Variants in KMT2C observed in about 807,000 individuals in gnomAD.
KMT2C encodes histone-lysine N-methyltransferase 2C.
KMT2C carries 88 observed loss-of-function variants against 507.9 expected under a neutral mutation model. That is an observed-to-expected ratio of 0.17 (90% CI 0.15 to 0.21). KMT2C has a LOEUF of 0.21. KMT2C is among the 10% of genes least tolerant of loss of function. The pLI is 1.00. For synonymous variants in KMT2C, 2,049 were observed against 2,080.8 expected (o/e 0.98, Z 0.42); for missense variants, 4,954 against 5,957.8 (o/e 0.83, Z 5.55).
At position 152,177,102 on chromosome 7, in the gene KMT2C, T is replaced by C. The variant is rs1391918375; in HGVS notation, c.8351A>G (p.Lys2784Arg). ...NEELDLPIDD[K>R]LDNQCVSVEP... ...AACAGATACACACTGATTATCTAAC[T>C]TATCATCAATTGGAAGGTCTAGTTC... Residue 2784 changes from lysine to arginine, a missense_variant, in exon 38 of 59, where the codon AAG (lysine) becomes AGG (arginine). Lys to Arg is a conservative substitution (Grantham distance 26). Transcript: ENST00000262189. 1 of 1,612,792 alleles carries C rather than the reference T, an allele frequency of 6.2e-7. No individual in the cohort carries two copies. The highest frequency in any genetic ancestry group is 1.7e-5 in the Admixed American group (1 of 60,020).
At chr7:152,286,638 T>C (rs1382337601) in intron 6 of KMT2C, among the ~76,000 whole-genome samples, 6 of 152,226 alleles carry the variant, frequency 3.9e-5, no homozygotes, top group Non-Finnish European at 8.8e-5. Context: ...TACTTTTCCC[T>C]GTTCTTTCCA....
At chr7:152,376,160 G>A (rs920061117) in intron 1 of KMT2C, among the ~76,000 whole-genome samples, 2 of 152,140 alleles carry the variant, frequency 1.3e-5, no homozygotes, top group Non-Finnish European at 2.9e-5. Flanking sequence ...ACATAAGATG[G>A]CTAACATATA....
chr7:152,420,285 G>A (rs188045123), intron 1 of KMT2C, among the ~76,000 whole-genome samples: 3 of 152,304 alleles, frequency 2.0e-5, no homozygotes, highest in African/African-American at 7.2e-5. Flanking sequence ...ACACCGATCT[G>A]TGATGAACAC....
intron 9 of KMT2C, among the ~76,000 whole-genome samples, chr7:152,259,283 G>A (rs1245166141): frequency 6.6e-6 from 1 of 152,074 alleles, no homozygotes; most frequent in African/African-American, 2.4e-5. Flanking sequence ...CTACATTGAT[G>A]TAAGTTTAGG....
intron 6 of KMT2C, among the ~76,000 whole-genome samples, chr7:152,290,279 TATATATATATATATA>T (rs1320386029): frequency 1.1e-3 from 39 of 35,602 alleles, no homozygotes; most frequent in African/African-American, 4.6e-3. Context: ...TATATATATA[TATATATATATATATA>T]TTTTTTTTTT....
At chr7:152,204,978 G>T (rs2129137017) in intron 25 of KMT2C, 128 bp downstream of exon 25, 2 of 584,206 alleles carry the variant, frequency 3.4e-6, no homozygotes, top group East Asian at 5.8e-5. Flanking sequence ...GACTCTTATT[G>T]AGTAACAATA....
chr7:152,258,527 TGTTG>T (rs2095701393), intron 9 of KMT2C, among the ~76,000 whole-genome samples: 1 of 151,916 alleles, frequency 6.6e-6, no homozygotes, highest in African/African-American at 2.4e-5. Context: ...TTGCTGTTGT[TGTTG>T]TTGTTGTTTT....
At chr7:152,261,267 A>T (rs2095768994) in intron 9 of KMT2C, among the ~76,000 whole-genome samples, 1 of 152,234 alleles carries the variant, frequency 6.6e-6, no homozygotes, top group East Asian at 1.9e-4. Context: ...ATAAAGAACA[A>T]TTTCATACTG....
intron 1 of KMT2C, among the ~76,000 whole-genome samples, chr7:152,427,267 C>T (rs2097828056): frequency 6.6e-6 from 1 of 152,184 alleles, no homozygotes; most frequent in African/African-American, 2.4e-5. Context: ...ACCCTCCTGG[C>T]CTCCCAAAGT....
chr7:152,350,317 C>T (rs1457468787), intron 2 of KMT2C, among the ~76,000 whole-genome samples: 6 of 152,078 alleles, frequency 3.9e-5, no homozygotes, highest in African/African-American at 1.2e-4. Context: ...CTGAATGTAT[C>T]GATGTGAACT....
chr7:152,226,229 T>C (rs2094928787), intron 18 of KMT2C, among the ~76,000 whole-genome samples: 1 of 135,612 alleles, frequency 7.4e-6, no homozygotes, highest in Admixed American at 7.2e-5. Context: ...CTTTTTTTTT[T>C]TTTTTTTTTT....
intron 1 of KMT2C, among the ~76,000 whole-genome samples, chr7:152,382,187 C>T (rs1246968045): frequency 6.6e-6 from 1 of 152,176 alleles, no homozygotes; most frequent in Non-Finnish European, 1.5e-5. Context: ...AACAACCTTT[C>T]CAGATCAGAG....
intron 1 of KMT2C, among the ~76,000 whole-genome samples, chr7:152,421,201 C>A (rs2097775384): frequency 6.6e-6 from 1 of 152,114 alleles, no homozygotes; most frequent in Non-Finnish European, 1.5e-5. Flanking sequence ...GATACCATCT[C>A]ACACAAGTCA....
At chr7:152,167,084 C>A in intron 42 of KMT2C, 62 bp downstream of exon 42, 1 of 1,343,876 alleles carries the variant, frequency 7.4e-7, no homozygotes, top group South Asian at 1.3e-5. Flanking sequence ...TAATGAACAA[C>A]ACACCAAAAC....
chr7:152,150,783 G>T, intron 51 of KMT2C, 117 bp downstream of exon 51: 1 of 715,192 alleles, frequency 1.4e-6, no homozygotes, highest in Non-Finnish European at 2.4e-6. Flanking sequence ...ACCTGCTTTG[G>T]ATTCCCCACA....
chr7:152,370,911 T>C (rs995065455), intron 1 of KMT2C, among the ~76,000 whole-genome samples: 2 of 152,204 alleles, frequency 1.3e-5, no homozygotes, highest in Admixed American at 1.3e-4. Flanking sequence ...GACAGCATAT[T>C]GCCAGCAAAG....
intron 1 of KMT2C, among the ~76,000 whole-genome samples, chr7:152,384,003 C>T (rs889709362): frequency 1.5e-4 from 23 of 151,464 alleles, no homozygotes; most frequent in Non-Finnish European, 1.3e-4. Flanking sequence ...AAAACAAGAA[C>T]TAAGACTCTA....
chr7:152,435,923 G>C lies in KMT2C; in HGVS notation c.-137C>G. 1 of 903,788 alleles carries C rather than the reference G, an allele frequency of 1.1e-6. No individual in the cohort carries two copies. Among genetic ancestry groups the C allele is most frequent in the Non-Finnish European group, 1.6e-6 (1 of 641,396 alleles). 56.0% of individuals were successfully genotyped at this position (903,788 alleles called of 1,614,324 possible). On this transcript the variant is annotated 5_prime_UTR_variant, in exon 1 of 59. Coordinates refer to ENST00000262189, the MANE Select transcript of KMT2C (RefSeq NM_170606.3). ...TCTCGCATTTCCCGCAGCCCCGGGA[G>C]CAGCAGCAGGTACCGGGAGAGGCGG... is the stretch of plus-strand genomic sequence containing the variant.
intron 6 of KMT2C, among the ~76,000 whole-genome samples, chr7:152,306,271 C>T (rs1188186222): frequency 6.6e-6 from 1 of 152,194 alleles, no homozygotes; most frequent in East Asian, 1.9e-4. Flanking sequence ...TGGTCTCCCA[C>T]ATCCTGGTTG....
Sources: gnomAD v4.1 joint callset for allele counts (sites outside exome capture counted in the v4.1 genomes callset) on GRCh38, gnomAD v4.1.1 for gene constraint, MANE v1.5 for transcripts, NCBI Gene and HGNC (gene_info 2026-07-23, HGNC 2026-07-21) for gene names.